The following DTNBP1 variants were observed in gnomAD, a reference collection of about 807,000 sequenced individuals.
DTNBP1 encodes dystrobrevin binding protein 1, also known as dysbindin.
DTNBP1 carries 35 observed loss-of-function variants against 42.8 expected under a neutral mutation model. The observed-to-expected ratio is 0.82, with a 90% CI of 0.63 to 1.09. DTNBP1 has a LOEUF of 1.09. Ranked by LOEUF, DTNBP1 falls within the 50% of genes least tolerant of loss-of-function variation. The probability of loss-of-function intolerance (pLI) is 0.00; values close to 1 mark genes in which losing one functional copy is unlikely to be tolerated. For missense variants in DTNBP1, 457 were observed against 424.2 expected, an observed-to-expected ratio of 1.08 and a Z score of -0.68; for synonymous variants, 171 against 162.2, an observed-to-expected ratio of 1.05 and a Z score of -0.41.
intron 7 of DTNBP1, among the ~76,000 whole-genome samples, chr6:15,549,875 G>A (rs1774112886): frequency 2.6e-5 from 4 of 152,152 alleles, no homozygotes; most frequent in Non-Finnish European, 5.9e-5. Flanking sequence ...GGCCTTTGAA[G>A]CTCAAGGAAA....
intron 6 of DTNBP1, chr6:15,615,044 T>C: frequency 1.5e-6 from 1 of 688,374 alleles, no homozygotes; most frequent in Non-Finnish European, 2.6e-6. Context: ...TTCATCTTTA[T>C]ATTTGGGATT....
intron 5 of DTNBP1, among the ~76,000 whole-genome samples, chr6:15,617,780 A>C (rs1264589926): frequency 6.6e-6 from 1 of 152,206 alleles, no homozygotes; most frequent in Non-Finnish European, 1.5e-5. Context: ...TACTAGAAGA[A>C]AACATATGGG....
At chr6:15,564,227 T>C (rs1188163245) in intron 7 of DTNBP1, among the ~76,000 whole-genome samples, 3 of 152,126 alleles carry the variant, frequency 2.0e-5, no homozygotes, top group Non-Finnish European at 4.4e-5. Context: ...GCAAGGAACC[T>C]ACTACTGTTA....
chr6:15,573,572 T>C (rs1413997067), intron 7 of DTNBP1, among the ~76,000 whole-genome samples: 1 of 151,944 alleles, frequency 6.6e-6, no homozygotes, highest in Non-Finnish European at 1.5e-5. Flanking sequence ...CCCAGCACTC[T>C]GGGAGGCTGA....
At chr6:15,615,094 C>T (rs1462324425) in intron 6 of DTNBP1, 173 bp downstream of exon 6, 2 of 939,638 alleles carry the variant, frequency 2.1e-6, no homozygotes, top group African/African-American at 3.3e-5. Context: ...AACTCATCTC[C>T]AAAAGATGGC....
At chr6:15,540,174 G>A (rs182778457) in intron 7 of DTNBP1, among the ~76,000 whole-genome samples, 181 of 151,918 alleles carry the variant, frequency 1.2e-3, no homozygotes, top group Non-Finnish European at 1.3e-3. Flanking sequence ...AAATCTGCAA[G>A]GAATTTAGAG....
At chr6:15,636,497 T>C (rs542727109) in intron 4 of DTNBP1, among the ~76,000 whole-genome samples, 2 of 152,270 alleles carry the variant, frequency 1.3e-5, no homozygotes, top group South Asian at 4.1e-4. Context: ...AGGCAGGAAA[T>C]ATAACTTAGA....
intron 7 of DTNBP1, among the ~76,000 whole-genome samples, chr6:15,588,438 C>G (rs905859167): frequency 1.3e-5 from 2 of 152,196 alleles, no homozygotes; most frequent in African/African-American, 4.8e-5. Context: ...TTTAATCATG[C>G]ACCCCTGACA....
intron 7 of DTNBP1, among the ~76,000 whole-genome samples, chr6:15,570,122 A>G (rs1393523965): frequency 2.0e-5 from 3 of 152,070 alleles, no homozygotes; most frequent in Non-Finnish European, 4.4e-5. Flanking sequence ...CCTGGCATAC[A>G]GTGGACAATC....
Position 15,524,601 on chromosome 6 carries a change from T to G in DTNBP1, c.736A>C (p.Ile246Leu). ...DMLEQMDLMD[I>L]SDQEALDVFL... Reference sequence around the variant, plus strand: ...ACGTCCAGGGCCTCCTGGTCCGATATGTCCATCAGGTCCATCTGCTCCAGC... The same window carrying G: ...ACGTCCAGGGCCTCCTGGTCCGATAGGTCCATCAGGTCCATCTGCTCCAGC... The change falls in exon 9 of 10, where the codon ATA (isoleucine) becomes CTA (leucine). Residue 246 changes from isoleucine to leucine, a missense_variant. Physicochemically the swap from Ile to Leu is conservative, Grantham distance 5. Transcript: ENST00000344537. 1 of 1,613,844 alleles carries G rather than the reference T, an allele frequency of 6.2e-7. No homozygotes were observed.
intron 6 of DTNBP1, among the ~76,000 whole-genome samples, chr6:15,602,799 C>T (rs1776780156): frequency 6.6e-5 from 10 of 152,190 alleles, no homozygotes; most frequent in Admixed American, 6.5e-4. Flanking sequence ...CTCTCCACCT[C>T]AAAGATACAC....
chr6:15,569,281 T>C (rs1021727186), intron 7 of DTNBP1, among the ~76,000 whole-genome samples: 1 of 152,178 alleles, frequency 6.6e-6, no homozygotes, highest in East Asian at 1.9e-4. Context: ...AATCATAAAC[T>C]TTTTAAAGAA....
chr6:15,549,333 A>G (rs1019681762), intron 7 of DTNBP1, among the ~76,000 whole-genome samples: 4 of 151,662 alleles, frequency 2.6e-5, no homozygotes, highest in African/African-American at 9.7e-5. Flanking sequence ...AAAAATACAA[A>G]AATTAGCCAG....
At chr6:15,609,249 T>C (rs1758256956) in intron 6 of DTNBP1, among the ~76,000 whole-genome samples, 1 of 152,076 alleles carries the variant, frequency 6.6e-6, no homozygotes, top group South Asian at 2.1e-4. Context: ...TACAGCATCT[T>C]TTCTTGTCTC....
At chr6:15,532,848 C>T (rs1008649862) in intron 8 of DTNBP1, among the ~76,000 whole-genome samples, 1 of 151,624 alleles carries the variant, frequency 6.6e-6, no homozygotes, top group South Asian at 2.1e-4. Context: ...TAGAGACACG[C>T]GCCACCACGG....
At chr6:15,618,497 A>G (rs996643394) in intron 5 of DTNBP1, among the ~76,000 whole-genome samples, 1 of 151,974 alleles carries the variant, frequency 6.6e-6, no homozygotes, top group African/African-American at 2.4e-5. Flanking sequence ...GCCACACAAC[A>G]AACAAGCACA....
chr6:15,564,141 A>G (rs1173505559), intron 7 of DTNBP1, among the ~76,000 whole-genome samples: 1 of 151,286 alleles, frequency 6.6e-6, no homozygotes, highest in African/African-American at 2.4e-5. Flanking sequence ...CCATCTCCTC[A>G]TTTAGCGGCT....
intron 7 of DTNBP1, among the ~76,000 whole-genome samples, chr6:15,538,345 A>G (rs1581278297): frequency 1.3e-5 from 2 of 152,172 alleles, no homozygotes; most frequent in Non-Finnish European, 2.9e-5. Flanking sequence ...CCCCGGGCTG[A>G]CAGCAGGTGA....
At chr6:15,532,894 T>C (rs569787812) in intron 8 of DTNBP1, among the ~76,000 whole-genome samples, 128 of 152,094 alleles carry the variant, frequency 8.4e-4, no homozygotes, top group Middle Eastern at 3.4e-3. Context: ...AGATGAGGTT[T>C]CACCATGTTG....
Sources: allele counts gnomAD v4.1 joint callset (sites outside exome capture counted in the v4.1 genomes callset), GRCh38; gene constraint gnomAD v4.1.1; transcripts MANE v1.5; gene names NCBI Gene and HGNC (gene_info 2026-07-23, HGNC 2026-07-21).